The following RABGAP1L variants were observed in gnomAD, a reference collection of about 807,000 sequenced individuals.
RABGAP1L encodes the protein RAB GTPase activating protein 1 like.
A neutral mutation model predicts 137.7 loss-of-function variants in RABGAP1L; 63 were observed. The ratio of observed to expected loss-of-function variants is 0.46; its 90% CI spans 0.37 to 0.56. RABGAP1L has a LOEUF of 0.56. Ranked by LOEUF, RABGAP1L falls within the 20% of genes least tolerant of loss-of-function variation. The probability of loss-of-function intolerance (pLI) is 0.00; values close to 1 mark genes in which losing one functional copy is unlikely to be tolerated. For synonymous variants in RABGAP1L, 431 were observed against 433.7 expected (o/e 0.99, Z 0.08); for missense variants, 1,095 against 1,244.0 (o/e 0.88, Z 1.80).
intron 11 of RABGAP1L, among the ~76,000 whole-genome samples, chr1:174,337,069 A>G (rs927004464): frequency 3.9e-5 from 6 of 152,084 alleles, no homozygotes; most frequent in African/African-American, 7.2e-5. Context: ...CTATTGCTGC[A>G]TAACAGATTA....
intron 17 of RABGAP1L, among the ~76,000 whole-genome samples, chr1:174,734,963 T>A (rs1367642537): frequency 6.8e-6 from 1 of 147,654 alleles, no homozygotes. Context: ...TCTTTTTTTT[T>A]TTTTTTTTTT....
intron 16 of RABGAP1L, chr1:174,700,339 A>G (rs1181194155): frequency 6.6e-6 from 1 of 152,200 alleles, no homozygotes; most frequent in Non-Finnish European, 1.5e-5. Context: ...TGGCATGTTT[A>G]TGTGACTTTG....
intron 17 of RABGAP1L, among the ~76,000 whole-genome samples, chr1:174,702,703 G>A (rs997432624): frequency 4.6e-5 from 7 of 152,060 alleles, no homozygotes; most frequent in East Asian, 3.9e-4. Flanking sequence ...GGACTGCTGC[G>A]AAATGATGAG....
At chr1:174,908,560 T>C (rs1383153902) in intron 19 of RABGAP1L, among the ~76,000 whole-genome samples, 1 of 120,298 alleles carries the variant, frequency 8.3e-6, no homozygotes, top group Non-Finnish European at 1.7e-5. Flanking sequence ...TTTTTTTTTT[T>C]GAGAGGGAGT....
chr1:174,650,421 C>T (rs1675375180), intron 14 of RABGAP1L, among the ~76,000 whole-genome samples: 1 of 152,166 alleles, frequency 6.6e-6, no homozygotes, highest in South Asian at 2.1e-4. Context: ...ACCAGTTCCT[C>T]CTTGTACCTC....
At chr1:174,454,771 G>C (rs892921727) in intron 13 of RABGAP1L, among the ~76,000 whole-genome samples, 2 of 151,700 alleles carry the variant, frequency 1.3e-5, no homozygotes, top group Non-Finnish European at 2.9e-5. Context: ...GGATGGTCTC[G>C]ATCTCCTGAC....
chr1:174,644,230 A>G (rs1194345511), intron 14 of RABGAP1L, among the ~76,000 whole-genome samples: 1 of 152,068 alleles, frequency 6.6e-6, no homozygotes, highest in African/African-American at 2.4e-5. Context: ...TGAGTGATTT[A>G]TAATACTCTT....
intron 5 of RABGAP1L, chr1:174,246,476 A>G (rs951602894): frequency 6.6e-6 from 1 of 152,202 alleles, no homozygotes; most frequent in Non-Finnish European, 1.5e-5. Flanking sequence ...TGGATTCTAC[A>G]TCCATGGAGT....
intron 19 of RABGAP1L, among the ~76,000 whole-genome samples, chr1:174,836,614 A>G (rs1692782932): frequency 1.3e-5 from 2 of 152,338 alleles, no homozygotes; most frequent in African/African-American, 4.8e-5. Flanking sequence ...GAGTATGCAA[A>G]GTGTGACATA....
intron 19 of RABGAP1L, among the ~76,000 whole-genome samples, chr1:174,886,095 C>T (rs1468242602): frequency 6.7e-6 from 1 of 148,676 alleles, no homozygotes; most frequent in Non-Finnish European, 1.5e-5. Flanking sequence ...CTCACTGCAA[C>T]CTGTGCCTCC....
chr1:174,274,744 C>T (rs942675548), intron 8 of RABGAP1L, among the ~76,000 whole-genome samples: 1 of 151,678 alleles, frequency 6.6e-6, no homozygotes. Context: ...TGCATGGTCC[C>T]TGCGCTCAAG....
intron 21 of RABGAP1L, among the ~76,000 whole-genome samples, chr1:174,972,887 A>T: frequency 6.7e-6 from 1 of 149,532 alleles, no homozygotes; most frequent in Non-Finnish European, 1.5e-5. Flanking sequence ...AATTATGGTG[A>T]AGGCTTTATA....
chr1:174,752,403 C>A, intron 18 of RABGAP1L, 49 bp downstream of exon 18: 1 of 1,336,430 alleles, frequency 7.5e-7, no homozygotes, highest in Non-Finnish European at 1.0e-6. Flanking sequence ...TACCTCTTTG[C>A]CCTTGGAACT....
chr1:174,445,109 A>G (rs1178569400), intron 13 of RABGAP1L, among the ~76,000 whole-genome samples: 3 of 152,152 alleles, frequency 2.0e-5, no homozygotes. Context: ...TGCTTGGCAT[A>G]TAGAAAATAC....
In RABGAP1L at chr1:174,868,547, A is replaced by G. The variant is rs1651675927; in HGVS notation, c.2340+56587A>G. On this transcript the variant is annotated intron_variant, in intron 19 of 25. Transcript: ENST00000681986. ...GTATTTCTTTTGACTCAAGATAAAAATGAACTGTGGAAAACCTTATTATAA... is the reference window on the plus strand; with the variant it reads ...GTATTTCTTTTGACTCAAGATAAAAGTGAACTGTGGAAAACCTTATTATAA... Among the ~76,000 whole-genome samples, 4 of 152,294 alleles carry G rather than the reference A, an allele frequency of 2.6e-5. No homozygotes were observed. In the East Asian group the frequency reaches 7.7e-4, roughly 29 times the overall value.
chr1:174,290,622 CAT>C (rs922989601), intron 10 of RABGAP1L, among the ~76,000 whole-genome samples: 9 of 152,248 alleles, frequency 5.9e-5, no homozygotes, highest in East Asian at 3.9e-4. Flanking sequence ...TCAGAACACA[CAT>C]GTTTTTGATA....
chr1:174,193,147 C>T (rs1225390342), intron 1 of RABGAP1L, among the ~76,000 whole-genome samples: 3 of 152,154 alleles, frequency 2.0e-5, no homozygotes, highest in Admixed American at 6.5e-5. Flanking sequence ...TTATCCTTAA[C>T]AGTTATTCTT....
chr1:174,953,205 G>T, intron 19 of RABGAP1L, among the ~76,000 whole-genome samples: 1 of 152,032 alleles, frequency 6.6e-6, no homozygotes, highest in East Asian at 1.9e-4. Context: ...TATACAACAT[G>T]ATTAATATAT....
At position 174,660,937 on chromosome 1, in the gene RABGAP1L, A is replaced by G. The variant is rs903224188; in HGVS notation, c.1825-22585A>G. 6.6e-5 allele frequency among the ~76,000 whole-genome samples: 10 copies of G among 152,258 alleles called. No homozygotes were observed. The East Asian group carries it at 1.9e-3, about 29-fold the overall frequency. ...TATTTATTTATTATGGCCATTGTCTATCATCTTCCACTAGAAAATAAGCTA... is the reference window on the plus strand; with the variant it reads ...TATTTATTTATTATGGCCATTGTCTGTCATCTTCCACTAGAAAATAAGCTA... On this transcript the variant is annotated intron_variant, in intron 14 of 25. Transcript: ENST00000681986.
Sources: allele counts gnomAD v4.1 joint callset (sites outside exome capture counted in the v4.1 genomes callset), GRCh38; gene constraint gnomAD v4.1.1; transcripts MANE v1.5; gene names NCBI Gene and HGNC (gene_info 2026-07-23, HGNC 2026-07-21).